FAM3B: variants seen among roughly 807,000 people sequenced by gnomAD.
The protein encoded by FAM3B is FAM3 metabolism regulating signaling molecule B, also known as protein FAM3B.
FAM3B carries 29 observed loss-of-function variants against 28.4 expected under a neutral mutation model. That is an observed-to-expected ratio of 1.02 (90% confidence interval 0.76 to 1.39). FAM3B has a LOEUF of 1.39. FAM3B is among the 40% of genes most tolerant of loss of function. The pLI, the probability that FAM3B is intolerant of heterozygous loss-of-function variation, is 0.00. For synonymous variants in FAM3B, 91 were observed against 103.0 expected, an observed-to-expected ratio of 0.88 and a Z score of 0.71; for missense variants, 266 against 293.9, an observed-to-expected ratio of 0.91 and a Z score of 0.69.
At chr21:41,332,940 A>G (rs949088722) in intron 2 of FAM3B, among the ~76,000 whole-genome samples, 2 of 151,308 alleles carry the variant, frequency 1.3e-5, no homozygotes, top group Non-Finnish European at 2.9e-5. Context: ...ATATACTTCT[A>G]TTATGATTGT....
intron 1 of FAM3B, chr21:41,322,469 G>T (rs2088815552): frequency 3.0e-6 from 2 of 659,452 alleles, no homozygotes; most frequent in Admixed American, 2.2e-5. Flanking sequence ...CAGTGCTGGT[G>T]ATATGGAAAT....
At chr21:41,354,572 T>G (rs969620205) in intron 7 of FAM3B, among the ~76,000 whole-genome samples, 2 of 152,120 alleles carry the variant, frequency 1.3e-5, no homozygotes, top group Non-Finnish European at 2.9e-5. Context: ...AGCAAACTAA[T>G]GCAGGAACAG....
chr21:41,330,299 A>G (rs947404235), intron 2 of FAM3B, among the ~76,000 whole-genome samples: 3 of 152,220 alleles, frequency 2.0e-5, no homozygotes, highest in African/African-American at 4.8e-5. Flanking sequence ...GGGATGTTCA[A>G]CTGGTAAGTA....
intron 7 of FAM3B, among the ~76,000 whole-genome samples, chr21:41,350,821 C>G (rs2089111830): frequency 6.6e-6 from 1 of 152,218 alleles, no homozygotes; most frequent in Admixed American, 6.5e-5. Flanking sequence ...CGGCTCTTAC[C>G]CTGTTTTCCT....
chr21:41,352,479 G>C (rs993904011), intron 7 of FAM3B, among the ~76,000 whole-genome samples: 2 of 152,072 alleles, frequency 1.3e-5, no homozygotes, highest in African/African-American at 4.8e-5. Flanking sequence ...GGAAGGGAAG[G>C]TGCATTATCA....
At chr21:41,344,400 G>A in intron 3 of FAM3B, 76 bp from the exon 4 acceptor site, 1 of 1,348,700 alleles carries the variant, frequency 7.4e-7, no homozygotes, top group Non-Finnish European at 1.1e-6. Context: ...ACTGACATTT[G>A]GTCAGGCGAA....
intron 1 of FAM3B, among the ~76,000 whole-genome samples, chr21:41,310,915 C>T (rs934217922): frequency 2.6e-5 from 4 of 152,004 alleles, no homozygotes; most frequent in Admixed American, 6.6e-5. Context: ...CCCCATTTCA[C>T]GTATTTTTTT....
In FAM3B at chr21:41,326,612, TG is replaced by T. The variant is rs1386745730; in HGVS notation, c.163+3548del. On this transcript the variant is annotated intron_variant, in intron 2 of 7. Transcript: ENST00000357985. This position sits in a 1 kb window ranked among gnomAD's most constrained non-coding sequence, Gnocchi z 4.0. ...TCATGGCTGACGGGCTGCCAGGCCC[TG>T]GCGTGGGGACCTGCTCGTTCTGCTG... Among the ~76,000 whole-genome samples, 2 of 152,234 alleles carry T rather than the reference TG, an allele frequency of 1.3e-5. No individual in the cohort carries two copies. Among genetic ancestry groups the T allele is most frequent in the Non-Finnish European group, 2.9e-5 (2 of 68,030 alleles).
chr21:41,316,761 GGCCCGCCCCT>G (rs2088752330), upstream of FAM3B: 3 of 1,046,316 alleles, frequency 2.9e-6, no homozygotes, highest in African/African-American at 1.7e-5. Context: ...GCACCCAGCT[GGCCCGCCCCT>G]GCCCGACACG....
chr21:41,305,352 G>A (rs1383566910), intron 1 of FAM3B, among the ~76,000 whole-genome samples: 3 of 152,176 alleles, frequency 2.0e-5, no homozygotes, highest in East Asian at 1.9e-4. Context: ...CTACCAACAC[G>A]TGGCCACTCA....
upstream of FAM3B, among the ~76,000 whole-genome samples, chr21:41,314,962 A>T (rs2088737260): frequency 6.6e-6 from 1 of 152,192 alleles, no homozygotes; most frequent in African/African-American, 2.4e-5. Flanking sequence ...TGAAAGCAGG[A>T]TCCAGAAGAG....
intron 1 of FAM3B, chr21:41,304,347 A>G (rs1349353319): frequency 6.6e-6 from 3 of 455,256 alleles, no homozygotes; most frequent in Non-Finnish European, 1.3e-5. Context: ...GAGGGGAAGG[A>G]TGGACGGGGC....
intron 2 of FAM3B, among the ~76,000 whole-genome samples, chr21:41,329,611 C>G (rs1336925616): frequency 6.7e-6 from 1 of 150,346 alleles, no homozygotes; most frequent in African/African-American, 2.5e-5. Flanking sequence ...GCTCTGTCAT[C>G]CAAACTGGAA....
At chr21:41,310,382 C>T (rs535599345) in intron 1 of FAM3B, among the ~76,000 whole-genome samples, 2 of 152,302 alleles carry the variant, frequency 1.3e-5, no homozygotes, top group African/African-American at 4.8e-5. Flanking sequence ...ATCTGCAGCT[C>T]AGTCCTCCCT....
chr21:41,319,462 A>C (rs1488065528), intron 1 of FAM3B: 1 of 152,260 alleles, frequency 6.6e-6, no homozygotes, highest in Non-Finnish European at 1.5e-5. Context: ...TTACAGGGAA[A>C]GGCAGGATCC....
At chr21:41,343,192 G>A (rs1339826875) in intron 3 of FAM3B, among the ~76,000 whole-genome samples, 4 of 152,158 alleles carry the variant, frequency 2.6e-5, no homozygotes, top group Non-Finnish European at 5.9e-5. Flanking sequence ...TGGCTCACAT[G>A]GTTGTCAGAA....
intron 7 of FAM3B, among the ~76,000 whole-genome samples, chr21:41,356,242 T>C (rs902024613): frequency 6.6e-6 from 1 of 152,206 alleles, no homozygotes; most frequent in Non-Finnish European, 1.5e-5. Flanking sequence ...CAAGTACAGA[T>C]GCTCTTCAGC....
intron 7 of FAM3B, among the ~76,000 whole-genome samples, chr21:41,349,308 A>G (rs1304737574): frequency 6.6e-6 from 1 of 152,206 alleles, no homozygotes; most frequent in African/African-American, 2.4e-5. Context: ...TGTGGGAGTA[A>G]CAAGCTGAGC....
intron 3 of FAM3B, among the ~76,000 whole-genome samples, chr21:41,341,647 C>T (rs1401590978): frequency 1.3e-5 from 2 of 152,232 alleles, no homozygotes; most frequent in Non-Finnish European, 2.9e-5. Context: ...TTATCCTTCA[C>T]GTTGGATGTA....
Sources: gnomAD v4.1 joint callset for allele counts (sites outside exome capture counted in the v4.1 genomes callset) on GRCh38, gnomAD v4.1.1 for gene constraint, Gnocchi (gnomAD v3.1) non-coding constraint, MANE v1.5 for transcripts, NCBI Gene and HGNC (gene_info 2026-07-23, HGNC 2026-07-21) for gene names.